The following CCDC158 variants were observed in gnomAD, a reference collection of about 807,000 sequenced individuals.
CCDC158 encodes coiled-coil domain-containing protein 158.
A neutral mutation model predicts 138.6 loss-of-function variants in CCDC158; 116 were observed. That is an observed-to-expected ratio of 0.84 (90% confidence interval 0.72 to 0.98). The LOEUF is 0.98. Among genes scored for constraint, CCDC158 ranks in the 50% least tolerant of loss-of-function variants. The pLI is 0.00. For missense variants in CCDC158, 1,265 were observed against 1,306.1 expected (o/e 0.97, Z 0.48); for synonymous variants, 436 against 442.4 (o/e 0.99, Z 0.18).
chr4:76,391,522 T>C lies in CCDC158; in HGVS notation c.288+4747A>G, dbSNP rs185810384. ...ACATCCCAAAACCTATGGTATACAG[T>C]GAAAGCAGTACAAAGAGGGAAATAT... On this transcript the variant is annotated intron_variant, in intron 4 of 24. Coordinates refer to ENST00000682701, the MANE Select transcript of CCDC158 (RefSeq NM_001394954.1). Among the ~76,000 whole-genome samples the C allele has an allele frequency of 5.9e-3, 894 of 151,834 alleles. 13 individuals are homozygous for C. The highest frequency in any genetic ancestry group is 6.5e-3 in the Non-Finnish European group (438 of 67,772).
intron 3 of CCDC158, chr4:76,401,522 G>A (rs770441856): frequency 6.5e-5 from 14 of 215,028 alleles, no homozygotes; most frequent in Admixed American, 1.1e-4. Context: ...GCAAGCCCTT[G>A]AACTGGCTTG....
Position 76,328,938 on chromosome 4 carries a change from C to T in CCDC158, c.2972G>A (p.Arg991Lys), listed in dbSNP as rs757811600. ...REPVTLHAGDREDPSGCFTFT... is the reference protein window; with the variant it reads ...REPVTLHAGDKEDPSGCFTFT... ...TGTGAAGCAACCAGAGGGATCTTCCCTGTCTCCTGCGTGTAATGTGACTGG... is the reference window on the plus strand; with the variant it reads ...TGTGAAGCAACCAGAGGGATCTTCCTTGTCTCCTGCGTGTAATGTGACTGG... Residue 991 changes from arginine (R) to lysine (K), a missense_variant, in exon 22 of 25, where the codon AGG (arginine) becomes AAG (lysine). Physicochemically the swap from Arg to Lys is conservative, Grantham distance 26. Coordinates refer to ENST00000682701, the MANE Select transcript of CCDC158 (RefSeq NM_001394954.1). The T allele has an allele frequency of 3.1e-6, 5 of 1,613,808 alleles. No individual in the cohort carries two copies. The highest frequency in any genetic ancestry group is 4.2e-6 in the Non-Finnish European group (5 of 1,179,840).
chr4:76,324,382 T>C (rs1720332220), intron 23 of CCDC158, among the ~76,000 whole-genome samples: 1 of 152,130 alleles, frequency 6.6e-6, no homozygotes, highest in African/African-American at 2.4e-5. Context: ...AGATGGGGTT[T>C]CTCCATGTTG....
intron 2 of CCDC158, among the ~76,000 whole-genome samples, chr4:76,408,167 T>C (rs1044788430): frequency 6.7e-6 from 1 of 150,284 alleles, no homozygotes; most frequent in Non-Finnish European, 1.5e-5. Context: ...CACTTCTTTA[T>C]ATACATATAT....
chr4:76,383,047 T>C (rs544494451), intron 7 of CCDC158, among the ~76,000 whole-genome samples: 2 of 152,316 alleles, frequency 1.3e-5, no homozygotes, highest in Non-Finnish European at 2.9e-5. Context: ...AATTTATAAG[T>C]ATTCACACTA....
At chr4:76,343,253 C>T (rs1163534556) in intron 18 of CCDC158, among the ~76,000 whole-genome samples, 1 of 152,034 alleles carries the variant, frequency 6.6e-6, no homozygotes, top group Non-Finnish European at 1.5e-5. Flanking sequence ...ACTGATCAGC[C>T]CAAGAATAAA....
At chr4:76,344,874 C>T in intron 18 of CCDC158, 1 of 1,570,442 alleles carries the variant, frequency 6.4e-7, no homozygotes. Flanking sequence ...CAAGATGAAA[C>T]AAGAACTGGA....
At chr4:76,390,683 G>C (rs1727231447) in intron 4 of CCDC158, among the ~76,000 whole-genome samples, 1 of 151,994 alleles carries the variant, frequency 6.6e-6, no homozygotes, top group Non-Finnish European at 1.5e-5. Context: ...AAAAGACATA[G>C]AGTGGTTGAA....
At chr4:76,406,967 C>T (rs1049192978) in intron 2 of CCDC158, among the ~76,000 whole-genome samples, 1 of 151,604 alleles carries the variant, frequency 6.6e-6, no homozygotes, top group Non-Finnish European at 1.5e-5. Context: ...ATAATAAATG[C>T]AAAAGCAGAA....
chr4:76,385,902 G>A (rs1166785392), intron 4 of CCDC158, among the ~76,000 whole-genome samples: 1 of 152,120 alleles, frequency 6.6e-6, no homozygotes, highest in African/African-American at 2.4e-5. Context: ...CATCTACAAA[G>A]GAACAAGAAC....
intron 24 of CCDC158, among the ~76,000 whole-genome samples, chr4:76,320,527 C>T (rs1719898960): frequency 6.6e-6 from 1 of 152,142 alleles, no homozygotes; most frequent in Non-Finnish European, 1.5e-5. Flanking sequence ...CATCACATTA[C>T]TTGACTTCAA....
At chr4:76,391,465 A>G (rs1727301261) in intron 4 of CCDC158, among the ~76,000 whole-genome samples, 1 of 151,996 alleles carries the variant, frequency 6.6e-6, no homozygotes, top group African/African-American at 2.4e-5. Context: ...GACATTTAAA[A>G]TTGTATTGAA....
chr4:76,353,597 T>C (rs745694112), intron 15 of CCDC158, among the ~76,000 whole-genome samples: 15 of 152,232 alleles, frequency 9.9e-5, no homozygotes, highest in Non-Finnish European at 1.9e-4. Context: ...TAATCGTATA[T>C]CAAATTTTAC....
chr4:76,331,231 T>C (rs1720976684), intron 21 of CCDC158, 113 bp downstream of exon 21: 1 of 898,664 alleles, frequency 1.1e-6, no homozygotes, highest in African/African-American at 1.6e-5. Context: ...GCTCACTATA[T>C]TCTAAGGGTC....
intron 21 of CCDC158, among the ~76,000 whole-genome samples, chr4:76,330,566 T>C (rs758843901): frequency 6.6e-6 from 1 of 152,112 alleles, no homozygotes; most frequent in Non-Finnish European, 1.5e-5. Context: ...CAATCACAGA[T>C]TCAACCAAAT....
At chr4:76,387,678 C>A (rs1296524723) in intron 4 of CCDC158, among the ~76,000 whole-genome samples, 1 of 152,012 alleles carries the variant, frequency 6.6e-6, no homozygotes, top group Non-Finnish European at 1.5e-5. Flanking sequence ...CAAAAATTAG[C>A]CGGGCGTGGT....
At chr4:76,350,510 C>T (rs1330459578) in intron 18 of CCDC158, among the ~76,000 whole-genome samples, 1 of 152,006 alleles carries the variant, frequency 6.6e-6, no homozygotes, top group African/African-American at 2.4e-5. Flanking sequence ...TTACATTGCA[C>T]ATATTTTTTT....
At chr4:76,323,178 G>T in intron 24 of CCDC158, 124 bp downstream of exon 24, 2 of 653,518 alleles carry the variant, frequency 3.1e-6, no homozygotes, top group South Asian at 2.4e-5. Flanking sequence ...CTTATATTTA[G>T]ACTTCAGTTT....
intron 18 of CCDC158, chr4:76,345,305 C>CAG (rs1194864150): frequency 9.4e-7 from 1 of 1,067,726 alleles, no homozygotes; most frequent in African/African-American, 1.6e-5. Flanking sequence ...ATCTCTTATA[C>CAG]AGACACACCA....
Sources: gnomAD v4.1 joint callset for allele counts (sites outside exome capture counted in the v4.1 genomes callset) on GRCh38, gnomAD v4.1.1 for gene constraint, MANE v1.5 for transcripts, NCBI Gene and HGNC (gene_info 2026-07-23, HGNC 2026-07-21) for gene names.